RNLS: variants seen among roughly 807,000 people sequenced by gnomAD.
RNLS encodes the protein renalase, FAD dependent amine oxidase.
Under a neutral mutation model 39.8 loss-of-function variants are expected in RNLS, and 39 were observed. The observed-to-expected ratio is 0.98, with a 90% CI of 0.76 to 1.28. The LOEUF is 1.28. Among genes scored for constraint, RNLS ranks in the 50% most tolerant of loss-of-function variants. RNLS has a pLI of 0.00. For missense variants in RNLS, 410 were observed against 413.3 expected (o/e 0.99, Z 0.07); for synonymous variants, 147 against 150.7 (o/e 0.98, Z 0.18).
chr10:88,288,991 G>GTT (rs1843482579), intron 6 of RNLS, among the ~76,000 whole-genome samples: 1 of 152,178 alleles, frequency 6.6e-6, no homozygotes, highest in Non-Finnish European at 1.5e-5. Flanking sequence ...CAATGACTGT[G>GTT]TTTAAGAGAG....
At chr10:88,399,964 T>C (rs890272194) in intron 4 of RNLS, among the ~76,000 whole-genome samples, 1 of 151,986 alleles carries the variant, frequency 6.6e-6, no homozygotes, top group African/African-American at 2.4e-5. Context: ...CCGGTGGCTG[T>C]CAGCATTCCT....
At chr10:88,409,650 T>C (rs1164117935) in intron 4 of RNLS, among the ~76,000 whole-genome samples, 2 of 152,164 alleles carry the variant, frequency 1.3e-5, no homozygotes, top group Non-Finnish European at 2.9e-5. Context: ...ACTGTGCTCA[T>C]AAAATGCCAG....
At chr10:88,502,344 T>TGGGGGG (rs1298386782) in intron 4 of RNLS, among the ~76,000 whole-genome samples, 1 of 59,934 alleles carries the variant, frequency 1.7e-5, no homozygotes, top group South Asian at 7.2e-4. Flanking sequence ...GGGGGCGGGG[T>TGGGGGG]GGGGAGGTGA....
intron 4 of RNLS, among the ~76,000 whole-genome samples, chr10:88,533,681 G>T (rs1302380578): frequency 2.6e-5 from 4 of 152,072 alleles, no homozygotes; most frequent in Admixed American, 2.6e-4. Context: ...AGAAGTGCAG[G>T]CAAGAGGTAA....
At chr10:88,295,296 C>T (rs1844001023) in intron 6 of RNLS, among the ~76,000 whole-genome samples, 1 of 152,078 alleles carries the variant, frequency 6.6e-6, no homozygotes. Flanking sequence ...ATAATTGAAT[C>T]TCTTTTGGCC....
chr10:88,212,513 C>T, the RNLS span, among the ~76,000 whole-genome samples: 2 of 152,192 alleles, frequency 1.3e-5, no homozygotes, highest in South Asian at 2.1e-4. Context: ...TTTGCTCATA[C>T]TTTTAATCAT....
chr10:88,233,063 A>C, the RNLS span, among the ~76,000 whole-genome samples: 132,737 of 152,230 alleles, frequency 0.87, 57,990 homozygotes, highest in African/African-American at 0.92. Context: ...GAGGAAGTGG[A>C]AGAACTGGAG....
At chr10:88,524,960 CATATATATATATAT>C (rs772272529) in intron 4 of RNLS, among the ~76,000 whole-genome samples, 20 of 88,952 alleles carry the variant, frequency 2.2e-4, no homozygotes, top group East Asian at 1.1e-3. Flanking sequence ...CACACACATA[CATATATATATATAT>C]ATATATATAT....
At chr10:88,258,738 C>T in the RNLS span, among the ~76,000 whole-genome samples, 2 of 152,166 alleles carry the variant, frequency 1.3e-5, no homozygotes, top group Non-Finnish European at 2.9e-5. Context: ...TAAAAGCTGC[C>T]ATCAGGTCAT....
At chr10:88,440,211 A>G (rs1215567480) in intron 4 of RNLS, among the ~76,000 whole-genome samples, 2 of 152,212 alleles carry the variant, frequency 1.3e-5, no homozygotes, top group African/African-American at 4.8e-5. Flanking sequence ...AGTCCTCTTG[A>G]CATCTTAACA....
chr10:88,281,609 C>A (rs1200744497), downstream of RNLS, among the ~76,000 whole-genome samples: 1 of 152,076 alleles, frequency 6.6e-6, no homozygotes, highest in African/African-American at 2.4e-5. Context: ...CCATACAAGT[C>A]ATGTTTTAGT....
intron 4 of RNLS, among the ~76,000 whole-genome samples, chr10:88,520,296 A>T (rs1398407881): frequency 1.3e-5 from 2 of 152,012 alleles, no homozygotes; most frequent in Admixed American, 1.3e-4. Context: ...TATTCTCAGA[A>T]GTATCACTCG....
At chr10:88,413,548 T>C (rs1589751141) in intron 4 of RNLS, among the ~76,000 whole-genome samples, 1 of 152,206 alleles carries the variant, frequency 6.6e-6, no homozygotes, top group East Asian at 1.9e-4. Flanking sequence ...GCTTTGTGTT[T>C]GTGGTCTTCC....
chr10:88,217,877 TA>T, the RNLS span, among the ~76,000 whole-genome samples: 8 of 151,836 alleles, frequency 5.3e-5, no homozygotes, highest in African/African-American at 1.9e-4. Flanking sequence ...CCATCTCTAC[TA>T]AAAATACAAA....
At chr10:88,524,966 T>C (rs202092470) in intron 4 of RNLS, among the ~76,000 whole-genome samples, 12,051 of 79,206 alleles carry the variant, frequency 0.15, 1,154 homozygotes, top group African/African-American at 0.29. Flanking sequence ...CATACATATA[T>C]ATATATATAT....
At chr10:88,193,923 C>G in the RNLS span, among the ~76,000 whole-genome samples, 1 of 152,196 alleles carries the variant, frequency 6.6e-6, no homozygotes, top group South Asian at 2.1e-4. Flanking sequence ...ATGCATGTGT[C>G]TATTAAGAGC....
intron 4 of RNLS, among the ~76,000 whole-genome samples, chr10:88,368,647 TTTAATGCCTCTA>T (rs1386326952): frequency 6.6e-6 from 1 of 152,170 alleles, no homozygotes; most frequent in Non-Finnish European, 1.5e-5. Flanking sequence ...TTGTAAATAT[TTTAATGCCTCTA>T]TAATATTTGA....
Position 88,425,783 on chromosome 10 carries a change from G to A in RNLS, c.527-63058C>T, listed in dbSNP as rs2133782783. ...GGTGAAATGACTTACACTTAGGGTA[G>A]AGAAAAAAACGTTGATGTGAGGTGT... On this transcript the variant is annotated intron_variant, in intron 4 of 6. Coordinates refer to ENST00000331772, the MANE Select transcript of RNLS (RefSeq NM_001031709.3). Among the ~76,000 whole-genome samples, 2 of 152,164 alleles carry A rather than the reference G, an allele frequency of 1.3e-5. 1 individual carries two copies. The highest frequency in any genetic ancestry group is 4.1e-4 in the South Asian group (2 of 4,826).
the RNLS span, among the ~76,000 whole-genome samples, chr10:88,249,847 T>A: frequency 6.6e-6 from 1 of 152,226 alleles, no homozygotes; most frequent in East Asian, 1.9e-4. Flanking sequence ...TAAGTTGCGA[T>A]AGTCCCAAGT....
Sources: allele counts gnomAD v4.1 joint callset (sites outside exome capture counted in the v4.1 genomes callset), GRCh38; gene constraint gnomAD v4.1.1; transcripts MANE v1.5; gene names NCBI Gene and HGNC (gene_info 2026-07-23, HGNC 2026-07-21).